The following DCC variants were observed in gnomAD, a reference collection of about 807,000 sequenced individuals.
The protein encoded by DCC is DCC netrin 1 receptor.
In DCC, 58 loss-of-function variants were observed where a neutral mutation model predicts 172.5. The ratio of observed to expected loss-of-function variants is 0.34; its 90% CI spans 0.27 to 0.42. DCC has a LOEUF of 0.42. Among genes scored for constraint, DCC ranks in the 10% least tolerant of loss-of-function variants. The pLI is 1.00. For synonymous variants in DCC, 709 were observed against 644.5 expected (o/e 1.10, Z -1.52); for missense variants, 1,740 against 1,791.0 (o/e 0.97, Z 0.51).
At chr18:53,437,275 A>G (rs563883002) in intron 22 of DCC, among the ~76,000 whole-genome samples, 6 of 152,106 alleles carry the variant, frequency 3.9e-5, no homozygotes, top group Non-Finnish European at 7.4e-5. Context: ...AACATACCCA[A>G]CAGGTAGTTT....
At chr18:52,596,273 A>G (rs2144807779) in intron 1 of DCC, among the ~76,000 whole-genome samples, 1 of 152,334 alleles carries the variant, frequency 6.6e-6, no homozygotes, top group Non-Finnish European at 1.5e-5. Flanking sequence ...CACACGGGAA[A>G]CACAATTCAA....
chr18:53,381,568 C>G (rs1186026214), intron 15 of DCC, among the ~76,000 whole-genome samples: 6 of 106,766 alleles, frequency 5.6e-5, no homozygotes, highest in South Asian at 6.9e-4. Context: ...CCACCCCCCC[C>G]CCACCACCAC....
chr18:53,175,565 C>A (rs1029319110), intron 8 of DCC, among the ~76,000 whole-genome samples: 1 of 148,874 alleles, frequency 6.7e-6, no homozygotes, highest in African/African-American at 2.4e-5. Context: ...CATGAGTGAA[C>A]TCCCATTCAC....
intron 1 of DCC, among the ~76,000 whole-genome samples, chr18:52,390,556 T>A (rs1390060740): frequency 6.6e-6 from 1 of 152,134 alleles, no homozygotes; most frequent in Non-Finnish European, 1.5e-5. Flanking sequence ...TAGTCATTTG[T>A]GTTTGCTGAT....
chr18:53,043,018 G>A (rs1023780220), intron 5 of DCC, among the ~76,000 whole-genome samples: 11 of 151,846 alleles, frequency 7.2e-5, no homozygotes, highest in African/African-American at 2.4e-4. Context: ...ATATGCACAC[G>A]TATGTTTATT....
intron 7 of DCC, among the ~76,000 whole-genome samples, chr18:53,090,933 C>G (rs1472006213): frequency 2.6e-5 from 4 of 151,768 alleles, no homozygotes; most frequent in Admixed American, 2.6e-4. Context: ...AGCATGTGTC[C>G]TGGGGTTCCT....
intron 12 of DCC, among the ~76,000 whole-genome samples, chr18:53,266,204 C>A (rs995905242): frequency 1.3e-5 from 2 of 152,114 alleles, no homozygotes; most frequent in Non-Finnish European, 1.5e-5. Context: ...TATCTTGTTT[C>A]TTTTCTGTGT....
At chr18:52,541,207 A>G (rs368465353) in intron 1 of DCC, among the ~76,000 whole-genome samples, 2 of 152,166 alleles carry the variant, frequency 1.3e-5, no homozygotes, top group Non-Finnish European at 2.9e-5. Context: ...TTTCTAGTGC[A>G]GTGTTCCTCT....
intron 27 of DCC, among the ~76,000 whole-genome samples, chr18:53,524,061 C>G (rs2046429256): frequency 6.6e-6 from 1 of 151,734 alleles, no homozygotes; most frequent in Admixed American, 6.6e-5. Flanking sequence ...TTCAAGAGAT[C>G]CATTGTATAT....
chr18:53,363,037 A>G (rs992435841), intron 15 of DCC, among the ~76,000 whole-genome samples: 5 of 152,144 alleles, frequency 3.3e-5, no homozygotes, highest in African/African-American at 9.7e-5. Context: ...CTTACAATGC[A>G]TTAACACCAA....
intron 5 of DCC, among the ~76,000 whole-genome samples, chr18:52,930,891 A>G (rs995566652): frequency 1.3e-5 from 2 of 152,130 alleles, no homozygotes; most frequent in African/African-American, 4.8e-5. Context: ...TATTCTATGA[A>G]CCATGCTATC....
chr18:53,082,973 C>A (rs1431362758), intron 7 of DCC, among the ~76,000 whole-genome samples: 1 of 151,910 alleles, frequency 6.6e-6, no homozygotes, highest in Non-Finnish European at 1.5e-5. Context: ...TAACACTGGC[C>A]CACTTTGTTC....
chr18:53,339,748 G>A lies in DCC; in HGVS notation c.2200G>A (p.Val734Met). Reference protein sequence around the residue: ...QVPDQPSSLHVRPQTNCIIMS... With the variant: ...QVPDQPSSLHMRPQTNCIIMS... ...TCCTGATCAACCAAGCTCTCTTCAT[G>A]TGAGGCCCCAGACTAACTGCATCAT... Residue 734 changes from valine to methionine, a missense_variant, in exon 15 of 29, where the codon GTG becomes ATG. Physicochemically the swap from Val to Met is conservative, Grantham distance 21 (BLOSUM62 1). Around this residue, in one of 2 missense-constraint regions of DCC, gnomAD observed 1,732 missense variants for 1,767.4 expected, o/e 0.98. Transcript: ENST00000442544. 1 of 1,613,944 alleles carries A rather than the reference G, an allele frequency of 6.2e-7. No homozygotes were observed. Among genetic ancestry groups the A allele is most frequent in the South Asian group, 1.1e-5 (1 of 91,082 alleles).
intron 1 of DCC, among the ~76,000 whole-genome samples, chr18:52,505,113 G>T (rs772384555): frequency 4.6e-5 from 7 of 152,110 alleles, no homozygotes; most frequent in African/African-American, 1.7e-4. Flanking sequence ...ATCAGAGAAC[G>T]TATCAACTTG....
At chr18:53,085,153 C>T (rs1241962810) in intron 7 of DCC, among the ~76,000 whole-genome samples, 1 of 152,234 alleles carries the variant, frequency 6.6e-6, no homozygotes, top group East Asian at 1.9e-4. Context: ...CAGGAAGCCA[C>T]AAGGAATTGC....
intron 1 of DCC, among the ~76,000 whole-genome samples, chr18:52,450,461 CTA>C (rs1988266877): frequency 6.6e-6 from 1 of 152,190 alleles, no homozygotes; most frequent in Non-Finnish European, 1.5e-5. Flanking sequence ...GCTATTAACT[CTA>C]TGCAATTATT....
chr18:53,080,502 G>A (rs945902571), intron 7 of DCC, among the ~76,000 whole-genome samples: 7 of 152,068 alleles, frequency 4.6e-5, no homozygotes, highest in Admixed American at 1.3e-4. Context: ...TGTAAAAGGT[G>A]AAGCAAAGGA....
At chr18:53,318,506 T>G (rs2057369680) in intron 13 of DCC, among the ~76,000 whole-genome samples, 1 of 152,182 alleles carries the variant, frequency 6.6e-6, no homozygotes, top group African/African-American at 2.4e-5. Context: ...GTCCTCTTGG[T>G]CCAGAGCCGA....
chr18:53,306,851 A>G (rs937006010), intron 13 of DCC, among the ~76,000 whole-genome samples: 4 of 151,602 alleles, frequency 2.6e-5, no homozygotes, highest in Non-Finnish European at 5.9e-5. Context: ...GGGTAGATGA[A>G]GTTGAGCGAC....
Sources: gnomAD v4.1 joint callset for allele counts (sites outside exome capture counted in the v4.1 genomes callset) on GRCh38, gnomAD v4.1.1 for gene constraint, gnomAD v4.1.1 regional missense constraint, MANE v1.5 for transcripts, NCBI Gene and HGNC (gene_info 2026-07-23, HGNC 2026-07-21) for gene names.